ZNF469: variants seen among roughly 807,000 people sequenced by gnomAD.
ZNF469 encodes the protein zinc finger protein 469.
Under a neutral mutation model 1.0 loss-of-function variants are expected in ZNF469, and 1 was observed. That is an observed-to-expected ratio of 1.00 (90% CI 0.35 to 4.73). The LOEUF (loss-of-function observed/expected upper bound fraction) is 4.73, where lower values mean the gene tolerates loss of function less well. ZNF469 is among the 30% of genes most tolerant of loss of function. ZNF469 has a pLI of 0.16. For synonymous variants in ZNF469, 2,703 were observed against 2,363.4 expected (o/e 1.14, Z -4.17); for missense variants, 6,100 against 5,356.3 (o/e 1.14, Z -4.33).
chr16:88,437,462 C>T lies in ZNF469; in HGVS notation c.9992C>T (p.Ala3331Val). 6.5e-7 allele frequency: 1 copy of T among 1,532,840 alleles called. No individual in the cohort carries two copies. Among genetic ancestry groups the T allele is most frequent in the South Asian group, 1.2e-5 (1 of 83,022 alleles). The allele number at this position is 1,532,840 out of a possible 1,614,324, so 95.0% of individuals were successfully genotyped here. A position where few individuals can be genotyped will look rare whatever the true frequency, so the allele number is the denominator to read the frequency against. ...PLLQATPVHE[A>V]CKDPSRDCHH... ...CTGCAAGCCACCCCGGTGCACGAGGCCTGCAAGGACCCCTCCCGCGACTGC... is the reference window on the plus strand; with the variant it reads ...CTGCAAGCCACCCCGGTGCACGAGGTCTGCAAGGACCCCTCCCGCGACTGC... Residue 3331 changes from alanine (A) to valine (V), a missense_variant, in exon 3 of 3, where the codon GCC becomes GTC. Physicochemically the swap from Ala to Val is moderately conservative, Grantham distance 64. Coordinates refer to ENST00000565624, the MANE Select transcript of ZNF469 (RefSeq NM_001367624.2).
chr16:88,208,775 G>GCACA, the ZNF469 span, among the ~76,000 whole-genome samples: 2 of 47,402 alleles, frequency 4.2e-5, no homozygotes, highest in Admixed American at 2.5e-4. Context: ...ATGCGCGTGC[G>GCACA]CGCGCACACA....
At chr16:88,140,399 G>C in the ZNF469 span, among the ~76,000 whole-genome samples, 1 of 149,202 alleles carries the variant, frequency 6.7e-6, no homozygotes, top group Non-Finnish European at 1.5e-5. Context: ...AAGGAGGACG[G>C]AGCCGTGTAG....
the ZNF469 span, among the ~76,000 whole-genome samples, chr16:88,239,452 C>G: frequency 6.7e-6 from 1 of 149,030 alleles, no homozygotes; most frequent in East Asian, 2.0e-4. Context: ...ATGATGGGAT[C>G]AGGAATGGGT....
chr16:88,230,075 C>T, the ZNF469 span, among the ~76,000 whole-genome samples: 1 of 152,222 alleles, frequency 6.6e-6, no homozygotes, highest in Non-Finnish European at 1.5e-5. Context: ...GTGTCCCTTT[C>T]CCTCCGGTCC....
Position 88,428,682 on chromosome 16 carries a change from G to T in ZNF469, c.1212G>T (p.Arg404Ser). ...GGCCCCCTAGCTCCCTACCCCAGAG[G>T]CACTTTCCAGGGCAGGCGTACAGAG... is the stretch of plus-strand genomic sequence containing the variant. ...TRGPPSSLPQ[R>S]HFPGQAYRAS... Residue 404 changes from arginine to serine, a missense_variant, in exon 3 of 3, where the codon AGG becomes AGT. Arg to Ser is a moderately radical substitution (Grantham distance 110). Coordinates refer to ENST00000565624, the MANE Select transcript of ZNF469 (RefSeq NM_001367624.2). 1 of 1,549,734 alleles carries T rather than the reference G, an allele frequency of 6.5e-7. No homozygotes were observed. The highest frequency in any genetic ancestry group is 1.2e-5 in the South Asian group (1 of 84,066).
the ZNF469 span, among the ~76,000 whole-genome samples, chr16:88,104,476 C>T: frequency 1.3e-5 from 2 of 152,082 alleles, no homozygotes; most frequent in Non-Finnish European, 2.9e-5. Flanking sequence ...CCTTTCATTA[C>T]CCCGGACGTT....
At chr16:88,345,483 G>C in the ZNF469 span, among the ~76,000 whole-genome samples, 1 of 152,194 alleles carries the variant, frequency 6.6e-6, no homozygotes, top group Admixed American at 6.5e-5. Context: ...GTGACACCAG[G>C]AGCATGGGAT....
the ZNF469 span, among the ~76,000 whole-genome samples, chr16:88,153,491 C>T: frequency 1.3e-5 from 2 of 152,324 alleles, no homozygotes; most frequent in Non-Finnish European, 2.9e-5. Context: ...GAGGATTTTT[C>T]CCGAGTGGGT....
At chr16:88,144,544 T>C in the ZNF469 span, among the ~76,000 whole-genome samples, 8 of 152,198 alleles carry the variant, frequency 5.3e-5, no homozygotes, top group Non-Finnish European at 8.8e-5. Context: ...ATTTTTCTAT[T>C]TTCAAGGACA....
At chr16:88,167,514 C>T in the ZNF469 span, among the ~76,000 whole-genome samples, 41 of 152,324 alleles carry the variant, frequency 2.7e-4, no homozygotes, top group Middle Eastern at 3.4e-3. Context: ...CGCCACTGCC[C>T]CCAGCCCACT....
chr16:88,393,862 G>A (rs899621242), intron 1 of ZNF469, among the ~76,000 whole-genome samples: 2 of 152,244 alleles, frequency 1.3e-5, no homozygotes, highest in East Asian at 1.9e-4. Context: ...AGCTTTGAGG[G>A]CATGTGTCCA....
chr16:88,228,583 A>T, the ZNF469 span, among the ~76,000 whole-genome samples: 1 of 152,242 alleles, frequency 6.6e-6, no homozygotes, highest in Admixed American at 6.5e-5. Context: ...GCTCATCCTG[A>T]GTGTCCAAAC....
chr16:88,266,180 G>A, the ZNF469 span, among the ~76,000 whole-genome samples: 1 of 152,274 alleles, frequency 6.6e-6, no homozygotes, highest in Admixed American at 6.5e-5. Context: ...TGAGGCTCAG[G>A]AGGGCAGGGG....
intron 1 of ZNF469, among the ~76,000 whole-genome samples, chr16:88,396,765 C>A (rs1904683528): frequency 6.7e-6 from 1 of 149,102 alleles, no homozygotes; most frequent in Non-Finnish European, 1.5e-5. Flanking sequence ...CAGGAGGAGA[C>A]CCTCGTGAAG....
At chr16:88,380,720 ACACACACAGACATGCACT>A (rs1245449459), upstream of ZNF469, among the ~76,000 whole-genome samples, 3 of 141,312 alleles carry the variant, frequency 2.1e-5, no homozygotes, top group Non-Finnish European at 4.5e-5. Flanking sequence ...ATGCACTCAT[ACACACACAGACATGCACT>A]CACACACAGA....
At chr16:88,198,881 T>C in the ZNF469 span, among the ~76,000 whole-genome samples, 1 of 152,172 alleles carries the variant, frequency 6.6e-6, no homozygotes, top group African/African-American at 2.4e-5. Context: ...GTGGCTCACA[T>C]TGGGTCAGCG....
chr16:88,137,382 T>A, the ZNF469 span, among the ~76,000 whole-genome samples: 33 of 152,336 alleles, frequency 2.2e-4, no homozygotes, highest in East Asian at 5.0e-3. Context: ...CATACCACCA[T>A]GTGTGCGGTT....
the ZNF469 span, among the ~76,000 whole-genome samples, chr16:88,249,284 G>C: frequency 6.6e-6 from 1 of 151,370 alleles, no homozygotes; most frequent in South Asian, 2.1e-4. Context: ...CTGGAGTGCA[G>C]GGCCACAATC....
chr16:88,414,020 G>A (rs893056069), intron 1 of ZNF469, among the ~76,000 whole-genome samples: 7 of 151,674 alleles, frequency 4.6e-5, no homozygotes, highest in South Asian at 4.2e-4. Context: ...CGGTGGAGCC[G>A]TCTGGGACCC....
Sources: allele counts gnomAD v4.1 joint callset (sites outside exome capture counted in the v4.1 genomes callset), GRCh38; gene constraint gnomAD v4.1.1; transcripts MANE v1.5; gene names NCBI Gene and HGNC (gene_info 2026-07-23, HGNC 2026-07-21).